CELF2: variants seen among roughly 807,000 people sequenced by gnomAD.
The protein encoded by CELF2 is CUGBP Elav-like family member 2.
CELF2 carries 8 observed loss-of-function variants against 62.6 expected under a neutral mutation model. The observed-to-expected ratio is 0.13, with a 90% confidence interval of 0.07 to 0.23. The LOEUF is 0.23. Among genes scored for constraint, CELF2 ranks in the 10% least tolerant of loss-of-function variants. The pLI is 1.00. For missense variants in CELF2, 333 were observed against 671.0 expected, an observed-to-expected ratio of 0.50 and a Z score of 5.56; for synonymous variants, 258 against 250.0, an observed-to-expected ratio of 1.03 and a Z score of -0.30.
chr10:10,480,962 C>T, the CELF2 span, among the ~76,000 whole-genome samples: 2 of 152,106 alleles, frequency 1.3e-5, no homozygotes, highest in African/African-American at 2.4e-5. Context: ...ACTCGGGAGG[C>T]TGAGGCAGGA....
chr10:10,891,550 G>A (rs2062142973), intron 1 of CELF2, among the ~76,000 whole-genome samples: 1 of 151,894 alleles, frequency 6.6e-6, no homozygotes. Context: ...TATGTGTCAT[G>A]TTTCTCATTT....
intron 1 of CELF2, among the ~76,000 whole-genome samples, chr10:11,122,057 A>G (rs1299826826): frequency 6.6e-6 from 1 of 152,218 alleles, no homozygotes; most frequent in African/African-American, 2.4e-5. Context: ...GGTACACTAT[A>G]TAATTGAGGC....
rs552244310 is a variant in CELF2 at position 10,962,324 on chromosome 10, T to C, written c.89+42325T>C. 7.5e-4 allele frequency among the ~76,000 whole-genome samples: 115 copies of C among 152,356 alleles called. 2 individuals are homozygous for C. Among genetic ancestry groups the C allele is most frequent in the Non-Finnish European group, 1.4e-3 (96 of 68,036 alleles). On this transcript the variant is annotated intron_variant, in intron 2 of 13. Transcript: ENST00000636488. ...TCTCCCTGCCCTGTCTCCTCTGCTT[T>C]CTGTGGCCACTCACAAAGCCACTAC... is the stretch of plus-strand genomic sequence containing the variant.
rs2066393695 is a variant in CELF2 at position 10,934,190 on chromosome 10, A to T, written c.89+14191A>T. On this transcript the variant is annotated intron_variant, in intron 2 of 13. Transcript: ENST00000636488. The surrounding 1 kb of genome is among the most constrained non-coding windows in gnomAD (Gnocchi z 4.4). ...TTTGCTTTGTTTTGTTTTCAATACC[A>T]GTAGGGGCATTGGAACAGGGTTAAA... 6.6e-6 allele frequency among the ~76,000 whole-genome samples: 1 copy of T among 152,200 alleles called. No homozygotes were observed. The highest frequency in any genetic ancestry group is 2.4e-5 in the African/African-American group (1 of 41,444).
At chr10:10,511,887 C>T in the CELF2 span, among the ~76,000 whole-genome samples, 1 of 152,128 alleles carries the variant, frequency 6.6e-6, no homozygotes, top group South Asian at 2.1e-4. Context: ...CACTCATAGT[C>T]CCCCTTTTCA....
chr10:10,500,997 C>T, the CELF2 span, among the ~76,000 whole-genome samples: 1 of 152,142 alleles, frequency 6.6e-6, no homozygotes, highest in East Asian at 1.9e-4. Flanking sequence ...TACGGATGTG[C>T]CATAGTTGGT....
chr10:11,188,134 T>C (rs894585935), intron 2 of CELF2, among the ~76,000 whole-genome samples: 1 of 152,238 alleles, frequency 6.6e-6, no homozygotes, highest in African/African-American at 2.4e-5. Flanking sequence ...AGACTGAGTT[T>C]CGCTCTTGTT....
At chr10:10,593,875 G>C in the CELF2 span, among the ~76,000 whole-genome samples, 36,757 of 152,082 alleles carry the variant, frequency 0.24, 4,960 homozygotes, top group South Asian at 0.51. Flanking sequence ...TCCCATCTGT[G>C]AAGTGGATAC....
chr10:11,018,149 C>A lies in CELF2; in HGVS notation c.60C>A (p.Leu20=), dbSNP rs767266685. The A allele has an allele frequency of 4.6e-6, 7 of 1,523,318 alleles. No individual in the cohort carries two copies. The highest frequency in any genetic ancestry group is 2.9e-5 in the African/African-American group (2 of 69,232). 94.4% of individuals were successfully genotyped at this position (1,523,318 alleles called of 1,614,324 possible). A position where few individuals can be genotyped will look rare whatever the true frequency, so the allele number is the denominator to read the frequency against. Residue 20 remains leucine (L), a synonymous_variant, in exon 1 of 13, where the codon CTC becomes CTA. Transcript: ENST00000633077. The part of the protein sequence containing the change: ...LPDMMVEGRL[L]VPDRINGTAN... ...ACATGATGGTCGAGGGCCGCCTGCT[C>A]GTTCCTGACAGAATGTGAGTGGCGC...
intron 7 of CELF2, among the ~76,000 whole-genome samples, chr10:11,271,379 A>T (rs2083715785): frequency 6.6e-6 from 1 of 152,140 alleles, no homozygotes; most frequent in South Asian, 2.1e-4. Flanking sequence ...TTGTTTACTC[A>T]TGCTCTCCAT....
At chr10:11,065,323 A>G (rs1196819240) in intron 1 of CELF2, among the ~76,000 whole-genome samples, 1 of 152,248 alleles carries the variant, frequency 6.6e-6, no homozygotes, top group African/African-American at 2.4e-5. Context: ...TGAGATTATC[A>G]TCTTGTTTCC....
At chr10:10,694,092 A>C in the CELF2 span, among the ~76,000 whole-genome samples, 6 of 148,888 alleles carry the variant, frequency 4.0e-5, no homozygotes, top group East Asian at 1.2e-3. Context: ...TAGTTCTTTT[A>C]ATTGTGATGT....
At chr10:10,927,360 A>AAC (rs1554884988) in intron 2 of CELF2, 7 of 150,700 alleles carry the variant, frequency 4.6e-5, no homozygotes, top group Non-Finnish European at 8.9e-5. Context: ...AAAAAAAAAA[A>AAC]AAAAAACACC....
At chr10:10,788,499 G>A in the CELF2 span, among the ~76,000 whole-genome samples, 2 of 109,376 alleles carry the variant, frequency 1.8e-5, no homozygotes, top group African/African-American at 7.3e-5. Context: ...GTCTCGCTCT[G>A]TCACCCAGGC....
At chr10:10,977,114 C>CA (rs35975041) in intron 2 of CELF2, among the ~76,000 whole-genome samples, 25 of 150,996 alleles carry the variant, frequency 1.7e-4, no homozygotes, top group East Asian at 1.2e-3. Flanking sequence ...CAAACACCTG[C>CA]AAAAAAAAAC....
At chr10:11,004,443 G>GTT (rs1429660525), upstream of CELF2, among the ~76,000 whole-genome samples, 14 of 152,032 alleles carry the variant, frequency 9.2e-5, no homozygotes, top group African/African-American at 2.9e-4. The surrounding 1 kb of genome is among the most constrained non-coding windows in gnomAD (Gnocchi z 5.0). Flanking sequence ...GTGTGTGTGT[G>GTT]TGTTGTTATT....
At chr10:10,699,023 A>G in the CELF2 span, among the ~76,000 whole-genome samples, 1 of 152,142 alleles carries the variant, frequency 6.6e-6, no homozygotes, top group Non-Finnish European at 1.5e-5. Context: ...CTTATATAGT[A>G]TCCATATAAT....
At chr10:10,930,475 A>G (rs1358009136) in intron 2 of CELF2, among the ~76,000 whole-genome samples, 1 of 152,180 alleles carries the variant, frequency 6.6e-6, no homozygotes, top group African/African-American at 2.4e-5. Context: ...TTAAAAGCAC[A>G]TTTATCCCAA....
rs1029953731 is a variant in CELF2 at position 11,280,887 on chromosome 10, C to T, written c.841+5767C>T. Among the ~76,000 whole-genome samples, 5 of 152,120 alleles carry T rather than the reference C, an allele frequency of 3.3e-5. No individual in the cohort carries two copies. The highest frequency in any genetic ancestry group is 2.0e-4 in the Admixed American group (3 of 15,286). On this transcript the variant is annotated intron_variant, in intron 8 of 12. Coordinates refer to ENST00000633077, the MANE Select transcript of CELF2 (RefSeq NM_001326342.2). The surrounding 1 kb of genome is among the most constrained non-coding windows in gnomAD (Gnocchi z 7.6). The stretch of plus-strand genomic sequence containing the variant: ...TTCCTGGCGCCAGCCTCCACTGGGT[C>T]CTTCCCCATTGACACCTGTGCCCAG...
Sources: allele counts gnomAD v4.1 joint callset (sites outside exome capture counted in the v4.1 genomes callset), GRCh38; gene constraint gnomAD v4.1.1; non-coding constraint Gnocchi (gnomAD v3.1); transcripts MANE v1.5; gene names NCBI Gene and HGNC (gene_info 2026-07-23, HGNC 2026-07-21).